Variants in ZNF710 observed in about 807,000 individuals in gnomAD.
ZNF710 encodes zinc finger protein 710.
A neutral mutation model predicts 50.6 loss-of-function variants in ZNF710; 13 were observed. That is an observed-to-expected ratio of 0.26 (90% CI 0.17 to 0.41). The LOEUF (loss-of-function observed/expected upper bound fraction) is 0.41. ZNF710 is among the 10% of genes least tolerant of loss of function. ZNF710 has a pLI of 1.00. For synonymous variants in ZNF710, 383 were observed against 397.0 expected (o/e 0.96, Z 0.42); for missense variants, 721 against 936.6 (o/e 0.77, Z 3.01).
chr15:90,043,417 G>T (rs1899361671), intron 1 of ZNF710, among the ~76,000 whole-genome samples: 1 of 152,252 alleles, frequency 6.6e-6, no homozygotes, highest in African/African-American at 2.4e-5. Flanking sequence ...CCAGGGCAGG[G>T]AGCAGCCGAC....
rs1339415738 is a variant in ZNF710 at position 90,034,334 on chromosome 15, A to G, written c.-29+32720A>G. Among the ~76,000 whole-genome samples, 3 of 151,736 alleles carry G rather than the reference A, an allele frequency of 2.0e-5. No homozygotes were observed. Among genetic ancestry groups the G allele is most frequent in the Non-Finnish European group, 4.4e-5 (3 of 67,946 alleles). ...ATGGTCTGCACTCAGGAAAGGGAGG[A>G]ATTCTTTGTGCTGTTTTGTCTATGT... On this transcript the variant is annotated intron_variant, in intron 1 of 4. Transcript: ENST00000268154. The surrounding 1 kb of genome is among the most constrained non-coding windows in gnomAD (Gnocchi z 4.0).
chr15:90,000,568 C>G (rs962859426), upstream of ZNF710, among the ~76,000 whole-genome samples: 1 of 152,160 alleles, frequency 6.6e-6, no homozygotes, highest in African/African-American at 2.4e-5. Context: ...CGGGCCCTGG[C>G]GCTCGGAGCC....
chr15:90,036,983 A>G (rs890685484), intron 1 of ZNF710, among the ~76,000 whole-genome samples: 3 of 152,146 alleles, frequency 2.0e-5, no homozygotes, highest in African/African-American at 7.2e-5. Flanking sequence ...GGAGAGGTGG[A>G]GAGCAGGAGA....
chr15:90,038,031 C>G (rs1386132232), intron 1 of ZNF710, among the ~76,000 whole-genome samples: 1 of 152,222 alleles, frequency 6.6e-6, no homozygotes, highest in African/African-American at 2.4e-5. Flanking sequence ...GCTGGGGCCG[C>G]TAAGTGGTGC....
Position 90,045,757 on chromosome 15 carries a change from G to C in ZNF710, c.-28-21353G>C, listed in dbSNP as rs898155267. Among the ~76,000 whole-genome samples, 4 of 152,180 alleles carry C rather than the reference G, an allele frequency of 2.6e-5. No homozygotes were observed. The East Asian group carries it at 7.7e-4, about 29-fold the overall frequency. On this transcript the variant is annotated intron_variant, in intron 1 of 4. Coordinates refer to ENST00000268154, the MANE Select transcript of ZNF710 (RefSeq NM_198526.4). Reference sequence around the variant, plus strand: ...CATAGATCTGGCCCCAGTTTAGGGGGTGGAGAGAAAACAAGAAATCGGACA... The same window carrying C: ...CATAGATCTGGCCCCAGTTTAGGGGCTGGAGAGAAAACAAGAAATCGGACA...
intron 1 of ZNF710, among the ~76,000 whole-genome samples, chr15:90,004,691 G>T (rs1461121947): frequency 1.2e-4 from 19 of 152,208 alleles, no homozygotes; most frequent in Admixed American, 9.8e-4. Flanking sequence ...AGCTTTCAGA[G>T]CCTGTTCCCA....
chr15:90,079,884 C>T lies in ZNF710; in HGVS notation c.*55C>T. 6.7e-7 allele frequency: 1 copy of T among 1,501,742 alleles called. No individual in the cohort carries two copies. Among genetic ancestry groups the T allele is most frequent in the Admixed American group, 2.4e-5 (1 of 42,174 alleles). 93.0% of individuals were successfully genotyped at this position (1,501,742 alleles called of 1,614,324 possible). The stretch of plus-strand genomic sequence containing the variant: ...GGGGGCGAGGGCATGGGGGTGAGAC[C>T]CATGGGCTGCAGGCTGCACCTCCTG... On this transcript the variant is annotated 3_prime_UTR_variant, in exon 5 of 5. Coordinates refer to ENST00000268154, the MANE Select transcript of ZNF710 (RefSeq NM_198526.4).
chr15:90,076,510 G>A (rs1159478398), intron 4 of ZNF710: 1 of 151,920 alleles, frequency 6.6e-6, no homozygotes, highest in African/African-American at 2.4e-5. Context: ...AAATCCCAAG[G>A]TGGGCAGATC....
chr15:90,053,958 C>T (rs1287133260), intron 1 of ZNF710, among the ~76,000 whole-genome samples: 3 of 152,066 alleles, frequency 2.0e-5, no homozygotes, highest in African/African-American at 4.8e-5. Context: ...AGAGATGACC[C>T]GAGAGAGAGA....
Position 90,082,184 on chromosome 15 carries a change from A to ATTCT in ZNF710, c.*2358_*2361dup, listed in dbSNP as rs932376554. The ATTCT allele has an allele frequency of 1.3e-5, 2 of 152,222 alleles. No individual in the cohort carries two copies. The highest frequency in any genetic ancestry group is 1.9e-4 in the East Asian group (1 of 5,196). The allele number at this position is 152,222 out of a possible 1,614,324, so 9.4% of individuals were successfully genotyped here. A position where few individuals can be genotyped will look rare whatever the true frequency, so the allele number is the denominator to read the frequency against. ...TAGCAATAATTATAAATAAATGAAT[A>ATTCT]TTCTTTAGTGAGGTGACTGCAAATG... On this transcript the variant is annotated 3_prime_UTR_variant, in exon 5 of 5. Transcript: ENST00000268154.
intron 1 of ZNF710, among the ~76,000 whole-genome samples, chr15:90,033,234 C>T (rs1025327006): frequency 5.3e-5 from 8 of 152,148 alleles, no homozygotes; most frequent in African/African-American, 1.9e-4. Context: ...GTTGACCCCA[C>T]GTGGCAGGAC....
chr15:90,068,401 C>A lies in ZNF710; in HGVS notation c.1264C>A (p.Leu422Ile). Residue 422 changes from leucine to isoleucine, a missense_variant, in exon 2 of 5, where the codon CTC (leucine) becomes ATC (isoleucine). Leu to Ile is a conservative substitution (Grantham distance 5). Coordinates refer to ENST00000268154, the MANE Select transcript of ZNF710 (RefSeq NM_198526.4). The surrounding 1 kb of genome is among the most constrained non-coding windows in gnomAD (Gnocchi z 5.0). ...CCTGGACTTCTCCACCCTGACCCAG[C>A]TCAAGCGCCACCTGGCCTCCCACCA... ...CGLDFSTLTQ[L>I]KRHLASHQGP... The A allele has an allele frequency of 6.2e-7, 1 of 1,613,672 alleles. No individual in the cohort carries two copies. Among genetic ancestry groups the A allele is most frequent in the Non-Finnish European group, 8.5e-7 (1 of 1,179,948 alleles).
At chr15:90,002,318 CGCCGGGACAGCGTCGGGGCGCCGCGG>C (rs1375629816) in intron 1 of ZNF710, among the ~76,000 whole-genome samples, 1 of 148,708 alleles carries the variant, frequency 6.7e-6, no homozygotes, top group Non-Finnish European at 1.5e-5. Flanking sequence ...GCGGGATCTC[CGCCGGGACAGCGTCGGGGCGCCGCGG>C]GCCGGGGACC....
chr15:90,074,064 C>A, intron 3 of ZNF710, 52 bp from the exon 4 acceptor site: 1 of 1,563,822 alleles, frequency 6.4e-7, no homozygotes, highest in South Asian at 1.2e-5. Flanking sequence ...GGCTGGGGTC[C>A]GGGGAAAGCA....
chr15:90,011,930 G>A (rs1229825847), intron 1 of ZNF710, among the ~76,000 whole-genome samples: 1 of 152,192 alleles, frequency 6.6e-6, no homozygotes, highest in Non-Finnish European at 1.5e-5. Flanking sequence ...CTGGGGGCTG[G>A]GCGTGGTGGC....
At position 90,068,615 on chromosome 15, in the gene ZNF710, C is replaced by A. The variant is rs777182099; in HGVS notation, c.1458+20C>A. ...CACAAGGTAAGGCCGTTCCCAGGGC[C>A]TGGGCATCTGCCTGCCCCTCCTGCC... On this transcript the variant is annotated intron_variant, in intron 2 of 4. Coordinates refer to ENST00000268154, the MANE Select transcript of ZNF710 (RefSeq NM_198526.4). This position sits in a 1 kb window ranked among gnomAD's most constrained non-coding sequence, Gnocchi z 5.0. 1 of 1,559,464 alleles carries A rather than the reference C, an allele frequency of 6.4e-7. No homozygotes were observed. The highest frequency in any genetic ancestry group is 8.7e-7 in the Non-Finnish European group (1 of 1,153,720).
intron 2 of ZNF710, among the ~76,000 whole-genome samples, chr15:90,070,353 A>AT (rs1232804909): frequency 0.073 from 10,145 of 138,788 alleles, 1,119 homozygotes; most frequent in African/African-American, 0.24. Flanking sequence ...ATAGCAAGAC[A>AT]TTTTTTTTTT....
chr15:90,055,556 G>A (rs1041474356), intron 1 of ZNF710, among the ~76,000 whole-genome samples: 1 of 152,214 alleles, frequency 6.6e-6, no homozygotes, highest in African/African-American at 2.4e-5. Context: ...TGTCGTGACC[G>A]ATTGGTACAA....
chr15:90,009,244 C>T (rs1220662843), intron 1 of ZNF710, among the ~76,000 whole-genome samples: 2 of 151,986 alleles, frequency 1.3e-5, no homozygotes, highest in African/African-American at 2.4e-5. Context: ...ACCTGGGGCA[C>T]ATCAGAATGT....
Sources: allele counts gnomAD v4.1 joint callset (sites outside exome capture counted in the v4.1 genomes callset), GRCh38; gene constraint gnomAD v4.1.1; non-coding constraint Gnocchi (gnomAD v3.1); transcripts MANE v1.5; gene names NCBI Gene and HGNC (gene_info 2026-07-23, HGNC 2026-07-21).